The following GRIA2 variants were observed in gnomAD, a reference collection of about 807,000 sequenced individuals.
The protein encoded by GRIA2 is glutamate receptor 2.
GRIA2 carries 14 observed loss-of-function variants against 97.3 expected under a neutral mutation model. The ratio of observed to expected loss-of-function variants is 0.14; its 90% confidence interval spans 0.10 to 0.23. The LOEUF (loss-of-function observed/expected upper bound fraction) is 0.23. GRIA2 is among the 10% of genes least tolerant of loss of function. The probability of loss-of-function intolerance (pLI) is 1.00; values close to 1 mark genes in which losing one functional copy is unlikely to be tolerated. For missense variants in GRIA2, 558 were observed against 1,069.8 expected (o/e 0.52, Z 6.67); for synonymous variants, 412 against 387.8 (o/e 1.06, Z -0.73).
At chr4:157,353,077 G>A (rs1265386325) in intron 12 of GRIA2, among the ~76,000 whole-genome samples, 1 of 152,018 alleles carries the variant, frequency 6.6e-6, no homozygotes, top group Non-Finnish European at 1.5e-5. Context: ...AACAGGCCAG[G>A]CGTGCTAGCT....
chr4:157,240,743 T>A (rs993821238), intron 2 of GRIA2, among the ~76,000 whole-genome samples: 1 of 152,050 alleles, frequency 6.6e-6, no homozygotes, highest in Non-Finnish European at 1.5e-5. Context: ...CATTTTAGGG[T>A]ACATGTGCAC....
intron 2 of GRIA2, among the ~76,000 whole-genome samples, chr4:157,282,861 A>C (rs1204205136): frequency 6.6e-6 from 1 of 152,092 alleles, no homozygotes; most frequent in African/African-American, 2.4e-5. Flanking sequence ...GACATCCAAA[A>C]GAATGCACTG....
chr4:157,277,796 T>G (rs1309505119), intron 2 of GRIA2, among the ~76,000 whole-genome samples: 1 of 132,438 alleles, frequency 7.6e-6, no homozygotes, highest in Non-Finnish European at 1.6e-5. Context: ...AAGGTATGAA[T>G]ATAATAAAAT....
rs2127009145 is a variant in GRIA2, at chr4:157,364,750, A to G, written c.*1319A>G. 1 of 152,194 alleles carries G rather than the reference A, an allele frequency of 6.6e-6. No homozygotes were observed. Among genetic ancestry groups the G allele is most frequent in the African/African-American group, 2.4e-5 (1 of 41,524 alleles). 9.4% of individuals were successfully genotyped at this position (152,194 alleles called of 1,614,324 possible). A position where few individuals can be genotyped will look rare whatever the true frequency, so the allele number is the denominator to read the frequency against. On this transcript the variant is annotated 3_prime_UTR_variant, in exon 16 of 16. Coordinates refer to ENST00000264426, the MANE Select transcript of GRIA2 (RefSeq NM_001083619.3). ...CTGTCATAAACTTTATATATTATGA[A>G]TTTTAAAATATGTTTGAGTCTCCTG...
intron 2 of GRIA2, among the ~76,000 whole-genome samples, chr4:157,271,361 G>T (rs1264515872): frequency 1.3e-5 from 2 of 151,998 alleles, no homozygotes; most frequent in African/African-American, 2.4e-5. Context: ...CTAACCACAA[G>T]CCACAGGTTG....
chr4:157,301,650 C>A (rs1238652782), intron 2 of GRIA2, among the ~76,000 whole-genome samples: 1 of 152,106 alleles, frequency 6.6e-6, no homozygotes, highest in Non-Finnish European at 1.5e-5. Context: ...CATATTTTAG[C>A]AATGCTCGTA....
chr4:157,301,305 A>G (rs896806870), intron 2 of GRIA2, among the ~76,000 whole-genome samples: 1 of 152,258 alleles, frequency 6.6e-6, no homozygotes, highest in African/African-American at 2.4e-5. Flanking sequence ...GGACATAGTT[A>G]TCAAATACAC....
chr4:157,231,471 T>C (rs1730016107), intron 2 of GRIA2, among the ~76,000 whole-genome samples: 1 of 152,176 alleles, frequency 6.6e-6, no homozygotes, highest in Non-Finnish European at 1.5e-5. Context: ...GCAACCATCC[T>C]CGGCTAACAA....
Position 157,243,427 on chromosome 4 carries a change from T to C in GRIA2, c.229+21620T>C, listed in dbSNP as rs189888180. On this transcript the variant is annotated intron_variant, in intron 2 of 15. Transcript: ENST00000264426. The stretch of plus-strand genomic sequence containing the variant: ...AAGGATTTGGATCTGAGTCTGACTT[T>C]AAACTCTGTGGAAGAAATTGAGGGG... Among the ~76,000 whole-genome samples, 104 of 152,240 alleles carry C rather than the reference T, an allele frequency of 6.8e-4. 2 individuals carry two copies. The highest frequency in any genetic ancestry group is 2.9e-3 in the South Asian group (14 of 4,830).
chr4:157,260,680 T>A (rs892015711), intron 2 of GRIA2, among the ~76,000 whole-genome samples: 2 of 152,036 alleles, frequency 1.3e-5, no homozygotes, highest in Non-Finnish European at 2.9e-5. Context: ...ATATGCCCAG[T>A]TTCAATTGCT....
chr4:157,230,575 C>CTTCT (rs1561001388), intron 2 of GRIA2, among the ~76,000 whole-genome samples: 1 of 22,928 alleles, frequency 4.4e-5, no homozygotes, highest in Non-Finnish European at 1.2e-4. Context: ...TCCTTCCTTC[C>CTTCT]TTCTTTCCTT....
At chr4:157,343,383 A>G (rs937329121) in intron 12 of GRIA2, among the ~76,000 whole-genome samples, 4 of 152,070 alleles carry the variant, frequency 2.6e-5, no homozygotes, top group African/African-American at 9.7e-5. Context: ...CATTCATGCA[A>G]CTAATAAGTA....
intron 2 of GRIA2, among the ~76,000 whole-genome samples, chr4:157,235,478 C>T (rs369895216): frequency 1.8e-3 from 270 of 151,812 alleles, no homozygotes; most frequent in African/African-American, 6.2e-3. Context: ...TTATCCTATA[C>T]GTTGGGCCTA....
At chr4:157,317,738 T>C in intron 5 of GRIA2, 27 bp downstream of exon 5, 1 of 885,916 alleles carries the variant, frequency 1.1e-6, no homozygotes, top group Non-Finnish European at 1.9e-6. Flanking sequence ...GTATATATTA[T>C]TTTACTAGAT....
chr4:157,251,281 T>C (rs752733641), intron 2 of GRIA2, among the ~76,000 whole-genome samples: 3 of 152,102 alleles, frequency 2.0e-5, no homozygotes, highest in Non-Finnish European at 2.9e-5. Flanking sequence ...CCCCACATCC[T>C]ATTACATAAA....
intron 4 of GRIA2, among the ~76,000 whole-genome samples, chr4:157,313,364 C>T (rs1344668484): frequency 6.6e-6 from 1 of 151,818 alleles, no homozygotes; most frequent in East Asian, 1.9e-4. Flanking sequence ...GGGACTTGTG[C>T]CACTATAAAA....
chr4:157,321,589 C>G lies in GRIA2; in HGVS notation c.872C>G (p.Thr291Arg). 2.5e-6 allele frequency: 4 copies of G among 1,607,666 alleles called. No homozygotes were observed. The highest frequency in any genetic ancestry group is 3.4e-6 in the Non-Finnish European group (4 of 1,176,278). Residue 291 changes from threonine to arginine, a missense_variant, in exon 6 of 16, where the codon ACA (threonine) becomes AGA (arginine). Around this residue, in one of 8 missense-constraint regions of GRIA2, gnomAD observed 173 missense variants for 209.1 expected, o/e 0.83. Transcript: ENST00000264426. ...AAAGAATACCCTGGAGCTCACACAACAACAATTAAGGTTTGCTTTGGTTTC... is the reference window on the plus strand; with the variant it reads ...AAAGAATACCCTGGAGCTCACACAAGAACAATTAAGGTTTGCTTTGGTTTC... ...EEKEYPGAHT[T>R]TIKYTSALTY...
chr4:157,332,550 A>G (rs77358023), intron 6 of GRIA2, among the ~76,000 whole-genome samples: 1 of 151,834 alleles, frequency 6.6e-6, no homozygotes, highest in African/African-American at 2.4e-5. Flanking sequence ...AAAAATAAAC[A>G]CTGACACAAT....
At chr4:157,330,523 T>C (rs932572122) in intron 6 of GRIA2, among the ~76,000 whole-genome samples, 16 of 152,086 alleles carry the variant, frequency 1.1e-4, no homozygotes, top group Admixed American at 3.9e-4. Flanking sequence ...ATTTGAGCTA[T>C]ACACAGAACT....
Sources: allele counts gnomAD v4.1 joint callset (sites outside exome capture counted in the v4.1 genomes callset), GRCh38; gene constraint gnomAD v4.1.1; regional missense constraint gnomAD v4.1.1; transcripts MANE v1.5; gene names NCBI Gene and HGNC (gene_info 2026-07-23, HGNC 2026-07-21).